The following PPFIBP1 variants were observed in gnomAD, a reference collection of about 807,000 sequenced individuals.
The protein encoded by PPFIBP1 is liprin-beta-1.
Under a neutral mutation model 137.8 loss-of-function variants are expected in PPFIBP1, and 112 were observed. That is an observed-to-expected ratio of 0.81 (90% CI 0.70 to 0.95). The LOEUF (loss-of-function observed/expected upper bound fraction) is 0.95. Among genes scored for constraint, PPFIBP1 ranks in the 40% least tolerant of loss-of-function variants. PPFIBP1 has a pLI of 0.00. For synonymous variants in PPFIBP1, 378 were observed against 417.3 expected, an observed-to-expected ratio of 0.91 and a Z score of 1.15; for missense variants, 1,083 against 1,196.6, an observed-to-expected ratio of 0.91 and a Z score of 1.40.
chr12:27,688,881 T>G (rs2061349967), intron 26 of PPFIBP1, 134 bp from the exon 27 acceptor site: 1 of 767,486 alleles, frequency 1.3e-6, no homozygotes, highest in Non-Finnish European at 2.0e-6. Context: ...GTCCATATTG[T>G]GTCTACCTCA....
chr12:27,565,064 A>G (rs2049525787), intron 1 of PPFIBP1, among the ~76,000 whole-genome samples: 1 of 152,256 alleles, frequency 6.6e-6, no homozygotes, highest in African/African-American at 2.4e-5. Context: ...TTCCTTCAGT[A>G]GCTCTTAGAA....
intron 17 of PPFIBP1, among the ~76,000 whole-genome samples, chr12:27,674,811 A>ATTTTTTTTTTTTTTTTTTTTTTTTTTTT (rs72418237): frequency 2.8e-5 from 3 of 108,706 alleles, no homozygotes; most frequent in African/African-American, 3.6e-5. Context: ...CTTTCCCCTG[A>ATTTTTTTTTTTTTTTTTTTTTTTTTTTT]TTTTTTTTTT....
At chr12:27,674,519 G>C (rs141355753) in intron 17 of PPFIBP1, among the ~76,000 whole-genome samples, 1 of 152,210 alleles carries the variant, frequency 6.6e-6, no homozygotes, top group Non-Finnish European at 1.5e-5. Context: ...TTTGGAAGCA[G>C]GTAGAGGTGG....
At chr12:27,536,972 G>C (rs1945091203) in intron 1 of PPFIBP1, among the ~76,000 whole-genome samples, 1 of 152,034 alleles carries the variant, frequency 6.6e-6, no homozygotes, top group Non-Finnish European at 1.5e-5. Context: ...TGGTAGCCTA[G>C]GGGACTCTCT....
At chr12:27,676,689 T>C in intron 18 of PPFIBP1, 90 bp downstream of exon 18, 1 of 1,245,948 alleles carries the variant, frequency 8.0e-7, no homozygotes, top group Non-Finnish European at 1.1e-6. Context: ...CATTCATTGA[T>C]TCATTTCTCT....
intron 4 of PPFIBP1, chr12:27,636,074 G>T (rs887998686): frequency 6.6e-6 from 1 of 152,154 alleles, no homozygotes; most frequent in African/African-American, 2.4e-5. Flanking sequence ...CATGAAAACC[G>T]CTTGCTTTGG....
At chr12:27,671,087 G>A (rs2060168944) in intron 13 of PPFIBP1, among the ~76,000 whole-genome samples, 1 of 151,850 alleles carries the variant, frequency 6.6e-6, no homozygotes, top group South Asian at 2.1e-4. Context: ...GAGACTGCTT[G>A]AGCCGAGGAG....
intron 10 of PPFIBP1, among the ~76,000 whole-genome samples, chr12:27,660,157 G>T (rs2059452514): frequency 1.3e-5 from 2 of 152,066 alleles, no homozygotes; most frequent in Non-Finnish European, 2.9e-5. Flanking sequence ...CTCCCAAAGT[G>T]CTGGGATTAC....
chr12:27,675,723 C>G (rs1443495417), intron 17 of PPFIBP1, among the ~76,000 whole-genome samples: 2 of 152,142 alleles, frequency 1.3e-5, no homozygotes, highest in African/African-American at 4.8e-5. Flanking sequence ...AACTATAAAA[C>G]TGCTAGATGA....
intron 2 of PPFIBP1, among the ~76,000 whole-genome samples, chr12:27,597,406 G>A (rs182031339): frequency 3.9e-5 from 6 of 152,158 alleles, no homozygotes; most frequent in African/African-American, 9.6e-5. Flanking sequence ...CACCCACCTC[G>A]GCTCCCCAAA....
chr12:27,591,354 A>C (rs1029991495), intron 2 of PPFIBP1, among the ~76,000 whole-genome samples: 20 of 152,090 alleles, frequency 1.3e-4, no homozygotes, highest in African/African-American at 4.1e-4. Flanking sequence ...GGAAGGTGAG[A>C]GTCAGGACAA....
At position 27,687,398 on chromosome 12, in the gene PPFIBP1, C is replaced by T. The variant is rs1318128359; in HGVS notation, c.2261C>T (p.Ser754Phe). Residue 754 changes from serine (S) to phenylalanine (F), a missense_variant, in exon 25 of 30, where the codon TCT becomes TTT. Coordinates refer to ENST00000228425, the MANE Select transcript of PPFIBP1 (RefSeq NM_003622.4). ...LHYMTVDDLLSLKVVSVLHHL... is the reference protein window; with the variant it reads ...LHYMTVDDLLFLKVVSVLHHL... Reference sequence around the variant, plus strand: ...TCTTTTTTGCAGGATGACTTACTGTCTCTGAAGGTTGTAAGTGTGCTACAC... The same window carrying T: ...TCTTTTTTGCAGGATGACTTACTGTTTCTGAAGGTTGTAAGTGTGCTACAC... The T allele has an allele frequency of 1.2e-6, 2 of 1,613,688 alleles. No homozygotes were observed. Among genetic ancestry groups the T allele is most frequent in the Admixed American group, 1.7e-5 (1 of 59,994 alleles).
At chr12:27,660,382 A>G (rs114399592) in intron 10 of PPFIBP1, among the ~76,000 whole-genome samples, 241 of 152,344 alleles carry the variant, frequency 1.6e-3, no homozygotes, top group African/African-American at 5.6e-3. Context: ...ATCCTTACGT[A>G]TGGAACTACA....
chr12:27,560,618 C>G (rs1198938335), intron 1 of PPFIBP1, among the ~76,000 whole-genome samples: 1 of 152,168 alleles, frequency 6.6e-6, no homozygotes, highest in Non-Finnish European at 1.5e-5. Flanking sequence ...GAGCTCAGTA[C>G]TGTGTGAGTG....
intron 1 of PPFIBP1, among the ~76,000 whole-genome samples, chr12:27,566,753 C>T (rs528765218): frequency 6.6e-6 from 1 of 152,238 alleles, no homozygotes; most frequent in South Asian, 2.1e-4. Flanking sequence ...CCCTGAAGCA[C>T]AGAGAAGTTA....
At chr12:27,687,314 T>C (rs951625569) in intron 24 of PPFIBP1, 71 bp from the exon 25 acceptor site, 11 of 1,518,200 alleles carry the variant, frequency 7.2e-6, no homozygotes, top group Non-Finnish European at 9.8e-6. Flanking sequence ...TCCAGTTTTC[T>C]GAGATTCCCT....
chr12:27,573,303 G>T (rs916523870), intron 1 of PPFIBP1, among the ~76,000 whole-genome samples: 2 of 152,146 alleles, frequency 1.3e-5, no homozygotes, highest in African/African-American at 4.8e-5. Context: ...ACGGGTGTTG[G>T]CAATGAGAGA....
chr12:27,544,514 G>A (rs1261527159), intron 1 of PPFIBP1, among the ~76,000 whole-genome samples: 1 of 151,934 alleles, frequency 6.6e-6, no homozygotes, highest in East Asian at 1.9e-4. Flanking sequence ...CTAATATCTA[G>A]AATCTACAAA....
At chr12:27,649,324 G>C (rs1324490293) in intron 6 of PPFIBP1, among the ~76,000 whole-genome samples, 6 of 152,108 alleles carry the variant, frequency 3.9e-5, no homozygotes, top group Non-Finnish European at 8.8e-5. Flanking sequence ...AGGATAATAA[G>C]AATTTCTACC....
Sources: allele counts gnomAD v4.1 joint callset (sites outside exome capture counted in the v4.1 genomes callset), GRCh38; gene constraint gnomAD v4.1.1; transcripts MANE v1.5; gene names NCBI Gene and HGNC (gene_info 2026-07-23, HGNC 2026-07-21).